The following ERBB4 variants were observed in gnomAD, a reference collection of about 807,000 sequenced individuals.
ERBB4 encodes receptor tyrosine-protein kinase erbB-4.
A neutral mutation model predicts 158.0 loss-of-function variants in ERBB4; 42 were observed. The ratio of observed to expected loss-of-function variants is 0.27; its 90% CI spans 0.21 to 0.34. The LOEUF (loss-of-function observed/expected upper bound fraction) is 0.34, where lower values mean the gene tolerates loss of function less well. ERBB4 is among the 10% of genes least tolerant of loss of function. The pLI, the probability that ERBB4 is intolerant of heterozygous loss-of-function variation, is 1.00. For synonymous variants in ERBB4, 583 were observed against 558.7 expected (o/e 1.04, Z -0.61); for missense variants, 1,333 against 1,624.1 (o/e 0.82, Z 3.08).
chr2:212,016,546 T>TTA (rs1434685226), intron 2 of ERBB4, among the ~76,000 whole-genome samples: 3 of 152,180 alleles, frequency 2.0e-5, no homozygotes, highest in African/African-American at 7.2e-5. Flanking sequence ...TTAGTTAACA[T>TTA]GTTTTAACTT....
rs763788454 is a variant in ERBB4, at chr2:211,665,326, T to C, written c.1868A>G (p.Gln623Arg). The change falls in exon 15 of 28, where the codon CAA (glutamine) becomes CGA (arginine). Residue 623 changes from glutamine (Q) to arginine (R), a missense_variant. Around this residue, in one of 5 missense-constraint regions of ERBB4, gnomAD observed 245 missense variants for 247.5 expected, o/e 0.99. Coordinates refer to ENST00000342788, the MANE Select transcript of ERBB4 (RefSeq NM_005235.3). Reference sequence around the variant, plus strand: ...CTTGGCCAGCAAGAATGCTTACCCTTGGGTGCAGTTTGGATGGCATGGGTG... The same window carrying C: ...CTTGGCCAGCAAGAATGCTTACCCTCGGGTGCAGTTTGGATGGCATGGGTG... ...ECHPCHPNCTQGCNGPTSHDC... is the reference protein window; with the variant it reads ...ECHPCHPNCTRGCNGPTSHDC... The C allele has an allele frequency of 1.1e-5, 18 of 1,613,936 alleles. No individual in the cohort carries two copies. Among genetic ancestry groups the C allele is most frequent in the Admixed American group, 6.7e-5 (4 of 59,980 alleles).
chr2:212,389,980 A>G (rs2090804802), intron 1 of ERBB4, among the ~76,000 whole-genome samples: 2 of 151,892 alleles, frequency 1.3e-5, no homozygotes, highest in South Asian at 4.1e-4. Context: ...AGAATAAAAG[A>G]AATAGCCCTC....
chr2:212,182,931 CAA>C (rs1176753020), intron 1 of ERBB4, among the ~76,000 whole-genome samples: 2 of 150,798 alleles, frequency 1.3e-5, no homozygotes, highest in African/African-American at 4.9e-5. Context: ...AAATTATAAA[CAA>C]GAGGAAAAAT....
intron 17 of ERBB4, among the ~76,000 whole-genome samples, chr2:211,625,852 G>C (rs1332873734): frequency 1.3e-5 from 2 of 152,130 alleles, no homozygotes; most frequent in Non-Finnish European, 2.9e-5. Flanking sequence ...AATATACATT[G>C]TGTATATGCC....
rs549164157 is a variant in ERBB4, at chr2:212,259,829, G to A, written c.83-134926C>T. Among the ~76,000 whole-genome samples, 28 of 152,188 alleles carry A rather than the reference G, an allele frequency of 1.8e-4. No individual in the cohort carries two copies. In the Middle Eastern group the frequency reaches 0.01, roughly 55 times the overall value. On this transcript the variant is annotated intron_variant, in intron 1 of 27. Coordinates refer to ENST00000342788, the MANE Select transcript of ERBB4 (RefSeq NM_005235.3). ...TCACGCTTGTAATCCCAGCACTTTGGGAGACCAAGGCAGGTGGATCACCTG... is the reference window on the plus strand; with the variant it reads ...TCACGCTTGTAATCCCAGCACTTTGAGAGACCAAGGCAGGTGGATCACCTG...
intron 3 of ERBB4, among the ~76,000 whole-genome samples, chr2:211,944,190 T>TA (rs1233279725): frequency 1.1e-4 from 5 of 44,522 alleles, no homozygotes; most frequent in African/African-American, 3.3e-4. Context: ...TATATATATA[T>TA]ATATATATAC....
Position 211,376,974 on chromosome 2 carries a change from C to T in ERBB4, c.*6641G>A, listed in dbSNP as rs1237435901. On this transcript the variant is annotated 3_prime_UTR_variant, in exon 28 of 28. Transcript: ENST00000342788. Reference sequence around the variant, plus strand: ...TAATCGACCCATTTAACAGCAGTACCAGTTTATGCTACATATTTCAAAGTA... The same window carrying T: ...TAATCGACCCATTTAACAGCAGTACTAGTTTATGCTACATATTTCAAAGTA... The T allele has an allele frequency of 4.3e-6, 1 of 233,104 alleles. No homozygotes were observed. The highest frequency in any genetic ancestry group is 1.8e-4 in the South Asian group (1 of 5,516). The allele number at this position is 233,104 out of a possible 1,614,324, so 14.4% of individuals were successfully genotyped here.
intron 4 of ERBB4, among the ~76,000 whole-genome samples, chr2:211,775,753 C>G (rs1443735869): frequency 6.6e-6 from 1 of 152,140 alleles, no homozygotes; most frequent in African/African-American, 2.4e-5. Flanking sequence ...GCACTCTGCT[C>G]TTGGTTTACT....
chr2:212,446,915 GAGGAAATAAT>G (rs2092367624), intron 1 of ERBB4, among the ~76,000 whole-genome samples: 1 of 150,346 alleles, frequency 6.7e-6, no homozygotes, highest in Admixed American at 6.6e-5. Context: ...AAGTTAATAG[GAGGAAATAAT>G]ATGATCAATT....
chr2:211,579,264 G>A (rs563132024), intron 19 of ERBB4, among the ~76,000 whole-genome samples: 30 of 152,218 alleles, frequency 2.0e-4, no homozygotes, highest in African/African-American at 6.7e-4. Flanking sequence ...TCTCATGCCC[G>A]TCAGAATAGC....
At chr2:211,477,671 A>G (rs1284306911) in intron 20 of ERBB4, among the ~76,000 whole-genome samples, 1 of 152,140 alleles carries the variant, frequency 6.6e-6, no homozygotes, top group African/African-American at 2.4e-5. Flanking sequence ...TAAGAAAGCA[A>G]AAGAAACTAG....
chr2:212,390,713 A>G (rs2090829984), intron 1 of ERBB4, among the ~76,000 whole-genome samples: 1 of 151,790 alleles, frequency 6.6e-6, no homozygotes, highest in Admixed American at 6.6e-5. Flanking sequence ...CTCAAAAGAC[A>G]TCATATTTCC....
chr2:212,161,569 T>C (rs1000847455), intron 1 of ERBB4, among the ~76,000 whole-genome samples: 2 of 151,912 alleles, frequency 1.3e-5, no homozygotes, highest in Non-Finnish European at 2.9e-5. Context: ...CCTCAAAGGC[T>C]TCATATTGTT....
intron 17 of ERBB4, among the ~76,000 whole-genome samples, chr2:211,629,741 C>T (rs142375496): frequency 0.13 from 18,985 of 151,816 alleles, 1,336 homozygotes; most frequent in East Asian, 0.19. Context: ...GAAATAATGC[C>T]GCCTATCTAC....
intron 1 of ERBB4, among the ~76,000 whole-genome samples, chr2:212,171,007 G>T (rs896783702): frequency 3.9e-5 from 6 of 152,174 alleles, no homozygotes; most frequent in African/African-American, 1.4e-4. Flanking sequence ...CCAACAGCTT[G>T]CACTGTGCAC....
At chr2:211,997,889 T>A (rs1288367025) in intron 2 of ERBB4, among the ~76,000 whole-genome samples, 1 of 59,520 alleles carries the variant, frequency 1.7e-5, no homozygotes, top group Non-Finnish European at 5.7e-5. Flanking sequence ...ATCATGAGAT[T>A]ATTTTTATAC....
At chr2:211,412,388 C>T (rs909182986) in intron 25 of ERBB4, among the ~76,000 whole-genome samples, 4 of 152,148 alleles carry the variant, frequency 2.6e-5, no homozygotes, top group African/African-American at 9.7e-5. Flanking sequence ...ATCTGCTCCA[C>T]CAAAATGATT....
intron 25 of ERBB4, among the ~76,000 whole-genome samples, chr2:211,416,325 A>AAAAG (rs1388216360): frequency 6.6e-6 from 1 of 152,152 alleles, no homozygotes; most frequent in Non-Finnish European, 1.5e-5. Flanking sequence ...ATTGTAACAA[A>AAAAG]AAAGAAAGAA....
intron 2 of ERBB4, among the ~76,000 whole-genome samples, chr2:211,975,570 A>G (rs1319476378): frequency 6.6e-6 from 1 of 152,174 alleles, no homozygotes; most frequent in Non-Finnish European, 1.5e-5. Flanking sequence ...ACAAGTTTAC[A>G]CTCGGCGAAC....
Sources: allele counts gnomAD v4.1 joint callset (sites outside exome capture counted in the v4.1 genomes callset), GRCh38; gene constraint gnomAD v4.1.1; regional missense constraint gnomAD v4.1.1; transcripts MANE v1.5; gene names NCBI Gene and HGNC (gene_info 2026-07-23, HGNC 2026-07-21).